Variants in KCNA6 observed in about 807,000 individuals in gnomAD.
KCNA6 encodes human brain potassium channel-2.
KCNA6 carries 17 observed loss-of-function variants against 29.5 expected under a neutral mutation model. The ratio of observed to expected loss-of-function variants is 0.58; its 90% CI spans 0.39 to 0.86. The LOEUF (loss-of-function observed/expected upper bound fraction) is 0.86, where lower values mean the gene tolerates loss of function less well. KCNA6 is among the 40% of genes least tolerant of loss of function. The pLI, the probability that KCNA6 is intolerant of heterozygous loss-of-function variation, is 0.00. For synonymous variants in KCNA6, 296 were observed against 304.7 expected (o/e 0.97, Z 0.30); for missense variants, 450 against 703.4 (o/e 0.64, Z 4.07).
chr12:4,828,297 A>T, the KCNA6 span, among the ~76,000 whole-genome samples: 4 of 152,340 alleles, frequency 2.6e-5, no homozygotes, highest in East Asian at 7.7e-4. Context: ...ATCATTCAGC[A>T]TTTCATCTGA....
the KCNA6 span, among the ~76,000 whole-genome samples, chr12:4,830,606 A>G: frequency 6.6e-6 from 1 of 152,194 alleles, no homozygotes; most frequent in East Asian, 1.9e-4. Context: ...TGCGGGCTCA[A>G]AATCTCTCCT....
Position 4,811,752 on chromosome 12 carries a change from T to A in KCNA6, c.*121T>A. ...TCTTGACTCTCTCCCCTACACCCAC[T>A]ACCTGGCATCCAGGACCAAATACCT... On this transcript the variant is annotated 3_prime_UTR_variant, in exon 1 of 1. Coordinates refer to ENST00000280684, the Ensembl canonical transcript of KCNA6. This position sits in a 1 kb window ranked among gnomAD's most constrained non-coding sequence, Gnocchi z 7.1. 6.0e-6 allele frequency: 7 copies of A among 1,169,462 alleles called. No homozygotes were observed. Among genetic ancestry groups the A allele is most frequent in the Non-Finnish European group, 8.5e-6 (7 of 821,932 alleles). The allele number at this position is 1,169,462 out of a possible 1,614,324, so 72.4% of individuals were successfully genotyped here.
rs749128542 is a variant in KCNA6, at chr12:4,809,999, G to A, written c.-43G>A. On this transcript the variant is annotated 5_prime_UTR_variant, in exon 1 of 1. It adds an upstream start codon to the 5' untranslated region. Coordinates refer to ENST00000280684, the Ensembl canonical transcript of KCNA6. ...GGTGCCGCGCTCCAGAGATTGTGTC[G>A]TGGGCGCCGTCCTAGTGGCGGGGAG... 2.0e-6 allele frequency: 3 copies of A among 1,501,014 alleles called. No homozygotes were observed. Among genetic ancestry groups the A allele is most frequent in the South Asian group, 1.3e-5 (1 of 74,478 alleles). The allele number at this position is 1,501,014 out of a possible 1,614,324, so 93.0% of individuals were successfully genotyped here.
the KCNA6 span, among the ~76,000 whole-genome samples, chr12:4,845,218 G>C: frequency 1.3e-5 from 2 of 152,264 alleles, no homozygotes; most frequent in Non-Finnish European, 1.5e-5. Flanking sequence ...CTTCAGTAGG[G>C]TAAGAAAGGG....
At chr12:4,825,215 GC>G in the KCNA6 span, among the ~76,000 whole-genome samples, 6,139 of 152,186 alleles carry the variant, frequency 0.04, 266 homozygotes, top group East Asian at 0.22. Flanking sequence ...AATAACTCAT[GC>G]CAGAGTTCCT....
chr12:4,810,986 G>A lies in KCNA6; in HGVS notation c.945G>A (p.Leu315=), dbSNP rs911108510. ...ACTTCATCACCCTGGGCACTGAGCT[G>A]GTGCAGCAGCAGGAGCAGCAACCAG... Residue 315 remains leucine, a synonymous_variant, in exon 1 of 1, where the codon CTG becomes CTA. Coordinates refer to ENST00000280684, the Ensembl canonical transcript of KCNA6. The surrounding 1 kb of genome is among the most constrained non-coding windows in gnomAD (Gnocchi z 7.5). 2.5e-6 allele frequency: 4 copies of A among 1,614,126 alleles called. No homozygotes were observed. In the African/African-American group the frequency reaches 5.3e-5, roughly 22 times the overall value.
exon 1 of KCNA6, chr12:4,809,842 G>C: frequency 1.8e-6 from 1 of 553,184 alleles, no homozygotes. Context: ...CAGCGCCCAG[G>C]TCACCTCCCC....
At chr12:4,813,516 C>G (rs758446204), downstream of KCNA6, 1 of 167,104 alleles carries the variant, frequency 6.0e-6, no homozygotes, top group Non-Finnish European at 1.5e-5. Flanking sequence ...TAAATCCCTC[C>G]TTGGCCTCTT....
rs1393291546 is a variant in KCNA6 at position 4,810,473 on chromosome 12, T to C, written c.432T>C (p.Gly144=). Residue 144 remains glycine, a synonymous_variant, in exon 1 of 1, where the codon GGT becomes GGC. Transcript: ENST00000280684. The surrounding 1 kb of genome is among the most constrained non-coding windows in gnomAD (Gnocchi z 7.5). ...AGGACGAGGGCTGCCTGCCCGAAGG[T>C]GGCGAGGACGAGAAGCCGCTGCCCT... 3.1e-6 allele frequency: 5 copies of C among 1,614,030 alleles called. No homozygotes were observed. The highest frequency in any genetic ancestry group is 4.2e-6 in the Non-Finnish European group (5 of 1,179,996).
chr12:4,846,784 TTTTTTTTA>T, the KCNA6 span, among the ~76,000 whole-genome samples: 5 of 72,552 alleles, frequency 6.9e-5, no homozygotes, highest in African/African-American at 2.0e-4. Context: ...TTTTTTTTTT[TTTTTTTTA>T]ATTTGAGACG....
At chr12:4,819,579 C>A in the KCNA6 span, among the ~76,000 whole-genome samples, 1 of 152,208 alleles carries the variant, frequency 6.6e-6, no homozygotes, top group African/African-American at 2.4e-5. Context: ...TGTGGGTCTC[C>A]CCTGGCCTTC....
the KCNA6 span, among the ~76,000 whole-genome samples, chr12:4,831,754 C>T: frequency 6.6e-6 from 1 of 152,156 alleles, no homozygotes; most frequent in Non-Finnish European, 1.5e-5. Context: ...CTTATGAGAG[C>T]TTCCATTCAG....
the KCNA6 span, among the ~76,000 whole-genome samples, chr12:4,821,344 A>T: frequency 2.5e-3 from 384 of 152,042 alleles, 1 homozygote; most frequent in South Asian, 4.2e-3. Flanking sequence ...GATCGCGTTC[A>T]CCCAGGAGAG....
the KCNA6 span, among the ~76,000 whole-genome samples, chr12:4,820,756 T>C: frequency 1.3e-5 from 2 of 152,122 alleles, no homozygotes; most frequent in East Asian, 3.9e-4. Context: ...GATGACCAGC[T>C]TCTGGATTTT....
the KCNA6 span, among the ~76,000 whole-genome samples, chr12:4,831,429 A>G: frequency 6.6e-6 from 1 of 152,174 alleles, no homozygotes; most frequent in East Asian, 1.9e-4. Context: ...TGAGCCTGAG[A>G]GCCAGCCAGC....
the KCNA6 span, among the ~76,000 whole-genome samples, chr12:4,828,135 A>G: frequency 6.6e-6 from 1 of 151,698 alleles, no homozygotes; most frequent in Admixed American, 6.6e-5. Context: ...CTATAGAGAC[A>G]CTCAGTGTTG....
chr12:4,827,204 C>CCTTCCTTCCTTCCCTCCTTCCTTCCTT, the KCNA6 span, among the ~76,000 whole-genome samples: 1 of 120,390 alleles, frequency 8.3e-6, no homozygotes, highest in Admixed American at 8.6e-5. Flanking sequence ...TTCCTTCCTT[C>CCTTCCTTCCTTCCCTCCTTCCTTCCTT]CCTCCTTCCT....
At chr12:4,827,519 A>AC in the KCNA6 span, among the ~76,000 whole-genome samples, 1 of 152,172 alleles carries the variant, frequency 6.6e-6, no homozygotes, top group Non-Finnish European at 1.5e-5. Context: ...CAGATTCCAC[A>AC]CTAGAGGAAG....
the KCNA6 span, among the ~76,000 whole-genome samples, chr12:4,822,863 G>T: frequency 6.6e-6 from 1 of 152,186 alleles, no homozygotes; most frequent in Non-Finnish European, 1.5e-5. Context: ...GCCCGGATTC[G>T]ATCTTGCCTC....
Sources: gnomAD v4.1 joint callset for allele counts (sites outside exome capture counted in the v4.1 genomes callset) on GRCh38, gnomAD v4.1.1 for gene constraint, Gnocchi (gnomAD v3.1) non-coding constraint, MANE v1.5 for transcripts, NCBI Gene and HGNC (gene_info 2026-07-23, HGNC 2026-07-21) for gene names.